The following KAZN variants were observed in gnomAD, a reference collection of about 807,000 sequenced individuals.
The protein encoded by KAZN is kazrin, periplakin interacting protein.
A neutral mutation model predicts 87.4 loss-of-function variants in KAZN; 40 were observed. The ratio of observed to expected loss-of-function variants is 0.46; its 90% CI spans 0.36 to 0.60. The LOEUF (loss-of-function observed/expected upper bound fraction) is 0.60, where lower values mean the gene tolerates loss of function less well. KAZN is among the 20% of genes least tolerant of loss of function. The pLI is 0.00. For synonymous variants in KAZN, 466 were observed against 458.3 expected, an observed-to-expected ratio of 1.02 and a Z score of -0.22; for missense variants, 898 against 1,073.9, an observed-to-expected ratio of 0.84 and a Z score of 2.29.
chr1:13,898,694 G>A (rs1639136674), intron 1 of KAZN, among the ~76,000 whole-genome samples: 1 of 152,166 alleles, frequency 6.6e-6, no homozygotes, highest in Non-Finnish European at 1.5e-5. Context: ...TGCATGATTA[G>A]TGAGGGATTG....
chr1:14,844,337 A>G (rs74059608), intron 1 of KAZN, among the ~76,000 whole-genome samples: 11,617 of 152,208 alleles, frequency 0.076, 936 homozygotes, highest in African/African-American at 0.21. Flanking sequence ...TTCTCCTCTA[A>G]AGGTTGATGT....
At chr1:14,587,330 A>G (rs377682852) in intron 2 of KAZN, among the ~76,000 whole-genome samples, 1 of 151,668 alleles carries the variant, frequency 6.6e-6, no homozygotes, top group African/African-American at 2.4e-5. Context: ...CAGCTACTCA[A>G]GAGGCTGAGG....
intron 2 of KAZN, among the ~76,000 whole-genome samples, chr1:14,414,260 A>G (rs1160078685): frequency 1.3e-5 from 2 of 152,058 alleles, no homozygotes; most frequent in African/African-American, 4.8e-5. Flanking sequence ...TTCCATTTCT[A>G]AGAATATACG....
At chr1:14,910,485 A>C (rs1456509913) in intron 1 of KAZN, among the ~76,000 whole-genome samples, 1 of 152,164 alleles carries the variant, frequency 6.6e-6, no homozygotes, top group Non-Finnish European at 1.5e-5. Flanking sequence ...CACCCACTAG[A>C]TGCCAGGAGC....
chr1:14,480,765 AATATATAAT>A (rs926617510), intron 2 of KAZN, among the ~76,000 whole-genome samples: 22 of 145,920 alleles, frequency 1.5e-4, no homozygotes, highest in Non-Finnish European at 2.7e-4. Flanking sequence ...ATATGTAAAA[AATATATAAT>A]ATATATAATA....
At chr1:14,326,302 T>C (rs1656411968) in intron 2 of KAZN, among the ~76,000 whole-genome samples, 1 of 152,176 alleles carries the variant, frequency 6.6e-6, no homozygotes, top group African/African-American at 2.4e-5. Flanking sequence ...CCTTGTTGTG[T>C]CTGTTCCTTT....
chr1:14,803,383 G>A (rs898685255), intron 1 of KAZN, among the ~76,000 whole-genome samples: 2 of 152,190 alleles, frequency 1.3e-5, no homozygotes, highest in African/African-American at 2.4e-5. Flanking sequence ...CCTGTCCCTG[G>A]TGCATGAGTT....
rs992788436 is a variant in KAZN at position 14,418,531 on chromosome 1, G to T, written c.250-180452G>T. Among the ~76,000 whole-genome samples, 10 of 151,476 alleles carry T rather than the reference G, an allele frequency of 6.6e-5. No individual in the cohort carries two copies. The South Asian group carries it at 2.1e-3, about 31-fold the overall frequency. ...GATTTTGTTCTTGGTGCAAGGAAAAGAATATTGAAAATTAGGAACCAGTCA... is the reference window on the plus strand; with the variant it reads ...GATTTTGTTCTTGGTGCAAGGAAAATAATATTGAAAATTAGGAACCAGTCA... On this transcript the variant is annotated intron_variant, in intron 2 of 16. Coordinates refer to the KAZN transcript ENST00000636203.
chr1:14,908,486 G>T (rs1656863173), intron 1 of KAZN, among the ~76,000 whole-genome samples: 1 of 152,216 alleles, frequency 6.6e-6, no homozygotes, highest in South Asian at 2.1e-4. Flanking sequence ...AGGTTGCGGT[G>T]AGCTGAGATC....
chr1:13,916,153 G>T (rs1265007367), intron 1 of KAZN, among the ~76,000 whole-genome samples: 1 of 152,154 alleles, frequency 6.6e-6, no homozygotes, highest in African/African-American at 2.4e-5. Context: ...GGTCCTCTTG[G>T]GTGAGGTGCA....
intron 2 of KAZN, among the ~76,000 whole-genome samples, chr1:14,514,181 C>T (rs1486540014): frequency 2.1e-5 from 3 of 144,340 alleles, no homozygotes; most frequent in Non-Finnish European, 4.5e-5. Flanking sequence ...AAAAATTAGC[C>T]AGGTGTGGTG....
rs376683891 is a variant in KAZN, at chr1:14,611,684, G to A, written c.226+12461G>A. 5.3e-3 allele frequency among the ~76,000 whole-genome samples: 715 copies of A among 133,874 alleles called. 8 individuals carry two copies. The highest frequency in any genetic ancestry group is 0.018 in the African/African-American group (650 of 36,126). The allele number at this position is 133,874 out of a possible 152,430, so 87.8% of individuals were successfully genotyped here. ...AGCTTTTGTGATAGAGCAACACCCT[G>A]TCTCAAAAAAAAAAAAAAAAATTAA... On this transcript the variant is annotated intron_variant, in intron 1 of 14. Coordinates refer to ENST00000376030, the MANE Select transcript of KAZN (RefSeq NM_201628.3).
intron 2 of KAZN, among the ~76,000 whole-genome samples, chr1:14,483,542 A>G (rs576089566): frequency 1.8e-4 from 28 of 152,372 alleles, no homozygotes; most frequent in African/African-American, 6.5e-4. Flanking sequence ...AAAGAGGTTT[A>G]TTCTGAGCCA....
At chr1:14,411,753 C>G (rs957843634) in intron 2 of KAZN, among the ~76,000 whole-genome samples, 1 of 152,020 alleles carries the variant, frequency 6.6e-6, no homozygotes, top group Non-Finnish European at 1.5e-5. Flanking sequence ...TGTGATTCAA[C>G]AGAAAATCAA....
chr1:14,856,054 A>G lies in KAZN; in HGVS notation c.227-104630A>G, dbSNP rs1053544608. Among the ~76,000 whole-genome samples the G allele has an allele frequency of 6.6e-6, 1 of 152,200 alleles. No homozygotes were observed. Among genetic ancestry groups the G allele is most frequent in the Non-Finnish European group, 1.5e-5 (1 of 68,040 alleles). On this transcript the variant is annotated intron_variant, in intron 1 of 14. Transcript: ENST00000376030. The surrounding 1 kb of genome is among the most constrained non-coding windows in gnomAD (Gnocchi z 5.2). ...AGTAATTGGAATGTGACATTGGGAT[A>G]TGGCAGGTGAGTAATAACGTGATTT...
intron 1 of KAZN, among the ~76,000 whole-genome samples, chr1:13,904,277 T>C (rs1184710915): frequency 6.6e-6 from 1 of 152,122 alleles, no homozygotes; most frequent in Non-Finnish European, 1.5e-5. Context: ...AAAGGAATAG[T>C]ATCTCAGGAA....
intron 1 of KAZN, among the ~76,000 whole-genome samples, chr1:14,082,143 C>T (rs1643698730): frequency 6.6e-6 from 1 of 152,118 alleles, no homozygotes; most frequent in Admixed American, 6.5e-5. Flanking sequence ...GTGTGTTCAT[C>T]CCTGAGTGGT....
intron 1 of KAZN, among the ~76,000 whole-genome samples, chr1:14,014,352 G>A (rs1640464336): frequency 6.7e-6 from 1 of 149,480 alleles, no homozygotes; most frequent in Non-Finnish European, 1.5e-5. Context: ...AAGCAGAGAA[G>A]ACAGAGTCCC....
intron 5 of KAZN, among the ~76,000 whole-genome samples, chr1:15,058,607 GTACC>G (rs956061741): frequency 9.4e-4 from 143 of 152,318 alleles, no homozygotes; most frequent in Middle Eastern, 3.4e-3. Context: ...TATTTATTGA[GTACC>G]TATTATGTGC....
Sources: gnomAD v4.1 joint callset for allele counts (sites outside exome capture counted in the v4.1 genomes callset) on GRCh38, gnomAD v4.1.1 for gene constraint, Gnocchi (gnomAD v3.1) non-coding constraint, MANE v1.5 for transcripts, NCBI Gene and HGNC (gene_info 2026-07-23, HGNC 2026-07-21) for gene names.